SPMIP1: variants seen among roughly 807,000 people sequenced by gnomAD.
SPMIP1 encodes sperm microtubule inner protein 1, also known as protein SPMIP1.
chr7:128,868,552 C>G, the SPMIP1 span: 1 of 574,626 alleles, frequency 1.7e-6, no homozygotes, highest in South Asian at 2.6e-5. Flanking sequence ...TTTCTTCCCA[C>G]AAAGTGGCTA....
chr7:128,868,717 C>A, the SPMIP1 span: 1 of 1,535,974 alleles, frequency 6.5e-7, no homozygotes, highest in Non-Finnish European at 8.7e-7. Flanking sequence ...CGCATTGAGT[C>A]ATTCTTCCGC....
the SPMIP1 span, chr7:128,870,845 G>A: frequency 6.6e-5 from 10 of 152,256 alleles, no homozygotes; most frequent in Admixed American, 6.5e-4. Flanking sequence ...AGTGTGGAAG[G>A]TGCTTCACTG....
At chr7:128,871,396 GTC>G in the SPMIP1 span, 2 of 152,168 alleles carry the variant, frequency 1.3e-5, no homozygotes, top group African/African-American at 4.8e-5. Flanking sequence ...CGCTCTGGGC[GTC>G]TTACTTTTTA....
the SPMIP1 span, chr7:128,866,759 G>A: frequency 8.5e-6 from 13 of 1,536,042 alleles, no homozygotes; most frequent in African/African-American, 1.4e-5. Flanking sequence ...CTCAACACTC[G>A]AAAACTGGAC....
the SPMIP1 span, chr7:128,866,972 A>C: frequency 1.2e-6 from 1 of 856,462 alleles, no homozygotes; most frequent in Non-Finnish European, 1.7e-6. Flanking sequence ...AGAACTAGGG[A>C]GTGGCGGTGG....
the SPMIP1 span, chr7:128,866,596 T>TCACCCCCCCCCCCCCCC: frequency 2.4e-6 from 3 of 1,240,140 alleles, no homozygotes; most frequent in East Asian, 3.3e-5. Context: ...AGCCCCACTC[T>TCACCCCCCCCCCCCCCC]CACCCCCACC....
At chr7:128,868,742 C>T in the SPMIP1 span, 2 of 1,535,664 alleles carry the variant, frequency 1.3e-6, no homozygotes, top group East Asian at 2.4e-5. Flanking sequence ...ACGGGGCCTT[C>T]GCACTGCTTG....
At chr7:128,868,332 A>G in the SPMIP1 span, among the ~76,000 whole-genome samples, 1 of 152,224 alleles carries the variant, frequency 6.6e-6, no homozygotes, top group Non-Finnish European at 1.5e-5. Context: ...CAAAAGCAGG[A>G]GGCGAGCCCT....
At chr7:128,870,416 C>A in the SPMIP1 span, 2 of 152,440 alleles carry the variant, frequency 1.3e-5, no homozygotes, top group African/African-American at 4.8e-5. Context: ...GGCTCTGGCC[C>A]CCGTGTGTCT....
the SPMIP1 span, chr7:128,868,703 G>T: frequency 6.5e-7 from 1 of 1,535,836 alleles, no homozygotes; most frequent in African/African-American, 1.4e-5. Context: ...CCTGCAAGAT[G>T]TGCCGCATTG....
At chr7:128,868,999 G>C in the SPMIP1 span, 2 of 457,036 alleles carry the variant, frequency 4.4e-6, no homozygotes, top group Non-Finnish European at 7.8e-6. Flanking sequence ...GAGGGTGCTG[G>C]GAAGGGCGAG....
At chr7:128,866,870 ACTAGC>A in the SPMIP1 span, 1 of 1,502,800 alleles carries the variant, frequency 6.7e-7, no homozygotes, top group Non-Finnish European at 8.9e-7. Context: ...AAAACAGAGC[ACTAGC>A]CATGTGCTAG....
the SPMIP1 span, chr7:128,869,236 G>A: frequency 2.0e-4 from 41 of 203,892 alleles, no homozygotes; most frequent in Middle Eastern, 1.7e-3. Context: ...AGGGCGCGCC[G>A]CCGCCCAGCC....
the SPMIP1 span, chr7:128,866,844 C>T: frequency 6.6e-7 from 1 of 1,524,190 alleles, no homozygotes; most frequent in East Asian, 2.4e-5. Flanking sequence ...AGCCCAACCT[C>T]TTGGAAATCA....
chr7:128,868,712 T>G, the SPMIP1 span: 1 of 1,535,876 alleles, frequency 6.5e-7, no homozygotes, highest in Non-Finnish European at 8.7e-7. Context: ...TGTGCCGCAT[T>G]GAGTCATTCT....
At chr7:128,867,862 C>T in the SPMIP1 span, among the ~76,000 whole-genome samples, 1 of 152,204 alleles carries the variant, frequency 6.6e-6, no homozygotes, top group East Asian at 1.9e-4. Context: ...GAGCCACCGG[C>T]TGGCCTATAG....
the SPMIP1 span, among the ~76,000 whole-genome samples, chr7:128,867,113 G>A: frequency 6.6e-6 from 1 of 152,228 alleles, no homozygotes; most frequent in Non-Finnish European, 1.5e-5. Flanking sequence ...AGCTGATGGA[G>A]GGTTCTAAGC....
the SPMIP1 span, chr7:128,871,396 G>A: frequency 5.9e-5 from 9 of 152,286 alleles, no homozygotes; most frequent in Admixed American, 1.3e-4. Flanking sequence ...CGCTCTGGGC[G>A]TCTTACTTTT....
At chr7:128,870,884 C>T in the SPMIP1 span, 9 of 152,444 alleles carry the variant, frequency 5.9e-5, no homozygotes, top group African/African-American at 1.9e-4. Flanking sequence ...CCAGCAGCCT[C>T]CTCCCAGGCA....
Sources: allele counts gnomAD v4.1 joint callset (sites outside exome capture counted in the v4.1 genomes callset), GRCh38; gene constraint gnomAD v4.1.1; transcripts MANE v1.5; gene names NCBI Gene and HGNC (gene_info 2026-07-23, HGNC 2026-07-21).